Variants in LLGL2 observed in about 807,000 individuals in gnomAD.
The protein encoded by LLGL2 is LLGL scribble cell polarity complex component 2, also known as LLGL2, scribble cell polarity complex component.
Under a neutral mutation model 123.2 loss-of-function variants are expected in LLGL2, and 81 were observed. The observed-to-expected ratio is 0.66, with a 90% CI of 0.55 to 0.79. The LOEUF (loss-of-function observed/expected upper bound fraction) is 0.79, where lower values mean the gene tolerates loss of function less well. LLGL2 is among the 30% of genes least tolerant of loss of function. LLGL2 has a pLI of 0.00. For missense variants in LLGL2, 1,273 were observed against 1,414.6 expected (o/e 0.90, Z 1.61); for synonymous variants, 577 against 594.1 (o/e 0.97, Z 0.42).
At chr17:75,555,772 C>T (rs2054882578) in intron 2 of LLGL2, among the ~76,000 whole-genome samples, 2 of 152,152 alleles carry the variant, frequency 1.3e-5, no homozygotes, top group Admixed American at 6.5e-5. Context: ...GTGGAGGCAC[C>T]GAGTCAGTTC....
chr17:75,556,188 G>T, intron 3 of LLGL2, 45 bp downstream of exon 3: 1 of 1,485,954 alleles, frequency 6.7e-7, no homozygotes. Flanking sequence ...GCCTTGGGGT[G>T]GGTGAGATTT....
rs768031262 is a variant in LLGL2, at chr17:75,574,662, G to A, written c.3049G>A (p.Gly1017Ser). 2 of 1,611,472 alleles carry A rather than the reference G, an allele frequency of 1.2e-6. No individual in the cohort carries two copies. The highest frequency in any genetic ancestry group is 2.2e-5 in the South Asian group (2 of 91,004). ...CGCCGTGGGGTGCAGCCTCAGCAAT[G>A]GCGGAGGTGGGGGCTCTGGGCTTGA... Reference protein sequence around the residue: ...RAAVGCSLSNGGAE With the variant: ...RAAVGCSLSNSGAE The change falls in exon 25 of 26, where the codon GGC becomes AGC. Residue 1017 changes from glycine to serine, a missense_variant. Physicochemically the swap from Gly to Ser is moderately conservative, Grantham distance 56 (BLOSUM62 0). Transcript: ENST00000392550.
intron 17 of LLGL2, 50 bp downstream of exon 17, chr17:75,571,150 A>AC: frequency 6.6e-7 from 1 of 1,511,396 alleles, no homozygotes; most frequent in Non-Finnish European, 9.1e-7. Context: ...GGCAGCAGAC[A>AC]CCCCCTGACC....
rs2147373882 is a variant in LLGL2 at position 75,558,488 on chromosome 17, G to A, written c.256-24G>A. 6.4e-7 allele frequency: 1 copy of A among 1,552,894 alleles called. No individual in the cohort carries two copies. The highest frequency in any genetic ancestry group is 8.7e-7 in the Non-Finnish European group (1 of 1,145,074). On this transcript the variant is annotated intron_variant, in intron 4 of 25. Coordinates refer to ENST00000392550, the MANE Select transcript of LLGL2 (RefSeq NM_001031803.2). The surrounding 1 kb of genome is among the most constrained non-coding windows in gnomAD (Gnocchi z 4.0). ...CCTTGCCTGGGTAGCAAGACCACAT[G>A]ATCCCGTCGTGTGCCCTCGCCAGTG...
chr17:75,543,602 T>A, intron 2 of LLGL2, 101 bp downstream of exon 2: 1 of 823,056 alleles, frequency 1.2e-6, no homozygotes, highest in Non-Finnish European at 1.9e-6. Flanking sequence ...ATAGCTCTTA[T>A]GTGACTGCCT....
At chr17:75,569,852 G>C (rs1568071755) in intron 14 of LLGL2, 111 bp from the exon 15 acceptor site, 17 of 1,106,432 alleles carry the variant, frequency 1.5e-5, no homozygotes, top group Non-Finnish European at 2.2e-5. Flanking sequence ...AGAGGCCTTT[G>C]TCCTTCCTTG....
At chr17:75,572,439 A>C (rs2055760252) in intron 19 of LLGL2, among the ~76,000 whole-genome samples, 1 of 152,172 alleles carries the variant, frequency 6.6e-6, no homozygotes, top group Non-Finnish European at 1.5e-5. Flanking sequence ...CGAGGCGGGC[A>C]GATCACAAGG....
chr17:75,542,246 C>A (rs1340667688), intron 1 of LLGL2, among the ~76,000 whole-genome samples: 1 of 151,976 alleles, frequency 6.6e-6, no homozygotes, highest in Non-Finnish European at 1.5e-5. Flanking sequence ...ACCTTCTTCT[C>A]GAAGGTATCT....
Position 75,571,913 on chromosome 17 carries a change from T to A in LLGL2, c.2309T>A (p.Leu770Gln). ...CTCCCCCTAGCCAAGGAGATCCAGCTGATGCACCGGGCGCCGGTGGTGGGC... is the reference window on the plus strand; with the variant it reads ...CTCCCCCTAGCCAAGGAGATCCAGCAGATGCACCGGGCGCCGGTGGTGGGC... ...VRAEQAKEIQ[L>Q]MHRAPVVGIL... The change falls in exon 19 of 26, where the codon CTG (leucine) becomes CAG (glutamine). Residue 770 changes from leucine to glutamine, a missense_variant. Leu to Gln is a moderately radical substitution (Grantham distance 113). Transcript: ENST00000392550. 1 of 1,612,386 alleles carries A rather than the reference T, an allele frequency of 6.2e-7. No homozygotes were observed. Among genetic ancestry groups the A allele is most frequent in the African/African-American group, 1.3e-5 (1 of 75,018 alleles).
intron 19 of LLGL2, among the ~76,000 whole-genome samples, chr17:75,572,452 A>G (rs929119628): frequency 1.2e-4 from 18 of 152,302 alleles, no homozygotes; most frequent in African/African-American, 4.1e-4. Context: ...TCACAAGGTC[A>G]GGAGATCGAG....
At chr17:75,534,033 C>T (rs764094652) in intron 1 of LLGL2, among the ~76,000 whole-genome samples, 4 of 152,234 alleles carry the variant, frequency 2.6e-5, no homozygotes, top group Non-Finnish European at 5.9e-5. Flanking sequence ...GGTAGGAGGC[C>T]CTAGAAAGGG....
chr17:75,557,436 C>A (rs1249510982), intron 3 of LLGL2, among the ~76,000 whole-genome samples: 1 of 152,078 alleles, frequency 6.6e-6, no homozygotes, highest in Admixed American at 6.5e-5. Flanking sequence ...TTCTGGCCGA[C>A]TGGGGGCTCC....
rs1177868401 is a variant in LLGL2 at position 75,573,036 on chromosome 17, G to A, written c.2483G>A (p.Ser828Asn). ...QFKVFTLPKV[S>N]AKLKLKLTAL... ...CAGGTGTTCACGCTGCCCAAGGTGA[G>A]TGCCAAGCTGAAGTTGAAGCTGACG... The change falls in exon 20 of 26, where the codon AGT becomes AAT. Residue 828 changes from serine to asparagine, a missense_variant. By Grantham distance (46) the Ser-to-Asn change is conservative (BLOSUM62 1). Transcript: ENST00000392550. 2 of 1,611,354 alleles carry A rather than the reference G, an allele frequency of 1.2e-6. No homozygotes were observed. Among genetic ancestry groups the A allele is most frequent in the Non-Finnish European group, 8.5e-7 (1 of 1,178,564 alleles).
intron 2 of LLGL2, among the ~76,000 whole-genome samples, chr17:75,548,891 G>A (rs1452824256): frequency 3.3e-5 from 5 of 152,096 alleles, no homozygotes; most frequent in Admixed American, 1.3e-4. Context: ...TGCTTCAAAC[G>A]GTGCCTGACA....
Position 75,571,625 on chromosome 17 carries a change from C to G in LLGL2, c.2177-42C>G, listed in dbSNP as rs761786563. The stretch of plus-strand genomic sequence containing the variant: ...CCTGGTTGCCCAGCTCCACCCGACT[C>G]CCACGCTAAGGGTCAGACACCCAAA... On this transcript the variant is annotated intron_variant, in intron 17 of 25. Transcript: ENST00000392550. 2.7e-6 allele frequency: 4 copies of G among 1,483,776 alleles called. No homozygotes were observed. The East Asian group carries it at 9.1e-5, about 34-fold the overall frequency. The allele number at this position is 1,483,776 out of a possible 1,614,324, so 91.9% of individuals were successfully genotyped here.
intron 3 of LLGL2, chr17:75,557,954 A>T: frequency 4.5e-6 from 3 of 671,172 alleles, no homozygotes; most frequent in Admixed American, 4.2e-5. Flanking sequence ...CCCAGGGATC[A>T]GGTCACTGGC....
At position 75,558,969 on chromosome 17, in the gene LLGL2, T is replaced by G; in HGVS notation, c.372-283T>G. The G allele has an allele frequency of 1.9e-6, 1 of 522,562 alleles. No homozygotes were observed. Among genetic ancestry groups the G allele is most frequent in the Non-Finnish European group, 3.4e-6 (1 of 290,216 alleles). The allele number at this position is 522,562 out of a possible 1,614,324, so 32.4% of individuals were successfully genotyped here. On this transcript the variant is annotated intron_variant, in intron 5 of 25. Coordinates refer to ENST00000392550, the MANE Select transcript of LLGL2 (RefSeq NM_001031803.2). The surrounding 1 kb of genome is among the most constrained non-coding windows in gnomAD (Gnocchi z 4.0). ...CCGCCTCCTCCATCCGCACCCCGCC[T>G]CCTCCATCCGCACCCCGCCTCCTCC...
At chr17:75,527,827 A>T (rs1426934270) in intron 1 of LLGL2, among the ~76,000 whole-genome samples, 1 of 151,530 alleles carries the variant, frequency 6.6e-6, no homozygotes, top group Admixed American at 6.6e-5. Flanking sequence ...CCCAGGCTGG[A>T]GTGCAGTGGT....
rs2055912351 is a variant in LLGL2 at position 75,575,085 on chromosome 17, C to T, written c.*207C>T. The T allele has an allele frequency of 1.5e-6, 1 of 655,262 alleles. No individual in the cohort carries two copies. The highest frequency in any genetic ancestry group is 1.8e-5 in the African/African-American group (1 of 55,370). 40.6% of individuals were successfully genotyped at this position (655,262 alleles called of 1,614,324 possible). On this transcript the variant is annotated 3_prime_UTR_variant, in exon 26 of 26. Coordinates refer to ENST00000392550, the MANE Select transcript of LLGL2 (RefSeq NM_001031803.2). ...CTTCCCGGGCCTCGTCTGTCTGGGT[C>T]CTTTGGTCAATGTTGCACAGTTTTT...
Sources: gnomAD v4.1 joint callset for allele counts (sites outside exome capture counted in the v4.1 genomes callset) on GRCh38, gnomAD v4.1.1 for gene constraint, Gnocchi (gnomAD v3.1) non-coding constraint, MANE v1.5 for transcripts, NCBI Gene and HGNC (gene_info 2026-07-23, HGNC 2026-07-21) for gene names.